WNT5A: variants seen among roughly 807,000 people sequenced by gnomAD.
WNT5A encodes the protein Wnt family member 5A, also known as protein Wnt-5a.
In WNT5A, 9 loss-of-function variants were observed where a neutral mutation model predicts 42.1. That is an observed-to-expected ratio of 0.21 (90% CI 0.13 to 0.37). WNT5A has a LOEUF of 0.37. Ranked by LOEUF, WNT5A falls within the 10% of genes least tolerant of loss-of-function variation. WNT5A has a pLI of 1.00. For missense variants in WNT5A, 426 were observed against 534.0 expected (o/e 0.80, Z 1.99); for synonymous variants, 210 against 210.0 (o/e 1.00, Z 0.00).
intron 1 of WNT5A, among the ~76,000 whole-genome samples, chr3:55,484,832 A>C (rs1016443348): frequency 6.6e-6 from 1 of 152,160 alleles, no homozygotes; most frequent in Non-Finnish European, 1.5e-5. Context: ...AGAAAATGAA[A>C]TGATAGTCCA....
At chr3:55,478,986 G>T (rs2051406062) in intron 3 of WNT5A, 1 of 179,104 alleles carries the variant, frequency 5.6e-6, no homozygotes, top group Non-Finnish European at 1.2e-5. Context: ...GCATATACAT[G>T]ACTTGCTTCC....
chr3:55,475,999 A>G (rs2051350728), intron 3 of WNT5A, among the ~76,000 whole-genome samples: 1 of 152,192 alleles, frequency 6.6e-6, no homozygotes, highest in African/African-American at 2.4e-5. Flanking sequence ...CATGCAAGGA[A>G]AGGGGCCTCT....
intron 1 of WNT5A, among the ~76,000 whole-genome samples, chr3:55,485,472 G>A (rs1366733946): frequency 1.3e-5 from 2 of 151,906 alleles, no homozygotes; most frequent in East Asian, 1.9e-4. Flanking sequence ...TCCTGGACCC[G>A]AGAACAACTC....
Position 55,478,115 on chromosome 3 carries a change from A to G in WNT5A, c.391+1199T>C, listed in dbSNP as rs980787935. ...CTTAGATTCAGATCCCAGTATATAC[A>G]TTAGCACATTTTAATCATTAACAGA... is the stretch of plus-strand genomic sequence containing the variant. On this transcript the variant is annotated intron_variant, in intron 3 of 4. Coordinates refer to ENST00000264634, the MANE Select transcript of WNT5A (RefSeq NM_003392.7). 2.6e-5 allele frequency among the ~76,000 whole-genome samples: 4 copies of G among 152,212 alleles called. No individual in the cohort carries two copies. The South Asian group carries it at 6.2e-4, about 24-fold the overall frequency.
the WNT5A span, among the ~76,000 whole-genome samples, chr3:55,496,695 T>C: frequency 1.3e-3 from 198 of 152,284 alleles, no homozygotes; most frequent in Non-Finnish European, 2.4e-3. Flanking sequence ...GCCTTCCCTC[T>C]CTTGTTCAGC....
At chr3:55,471,375 C>T (rs1352704321) in intron 4 of WNT5A, among the ~76,000 whole-genome samples, 1 of 152,204 alleles carries the variant, frequency 6.6e-6, no homozygotes, top group East Asian at 1.9e-4. Context: ...AGGCTAAGAG[C>T]ACCCACCCTG....
the WNT5A span, among the ~76,000 whole-genome samples, chr3:55,496,555 G>C: frequency 6.6e-6 from 1 of 152,152 alleles, no homozygotes; most frequent in Non-Finnish European, 1.5e-5. Context: ...ACAGGAACGC[G>C]ATGGCTCCAC....
upstream of WNT5A, among the ~76,000 whole-genome samples, chr3:55,492,432 G>C (rs1004884834): frequency 1.3e-5 from 2 of 152,266 alleles, no homozygotes; most frequent in Middle Eastern, 3.4e-3. Context: ...TCATAATTGA[G>C]ATAATGTACA....
chr3:55,466,604 A>G lies in WNT5A; in HGVS notation c.*3488T>C, dbSNP rs1050835021. 1 of 152,630 alleles carries G rather than the reference A, an allele frequency of 6.6e-6. No individual in the cohort carries two copies. 9.5% of individuals were successfully genotyped at this position (152,630 alleles called of 1,614,324 possible). On this transcript the variant is annotated 3_prime_UTR_variant, in exon 5 of 5. Transcript: ENST00000264634. ...AAAAGTCTTCTTTCTATTTGAGCCC[A>G]TAATGACTATTTTGAACATGGCTCT...
At chr3:55,472,862 CT>C (rs1238682398) in intron 4 of WNT5A, among the ~76,000 whole-genome samples, 1 of 152,136 alleles carries the variant, frequency 6.6e-6, no homozygotes, top group Non-Finnish European at 1.5e-5. Context: ...AAACTAAGAC[CT>C]TTAATTAAAC....
At chr3:55,499,201 A>T in the WNT5A span, among the ~76,000 whole-genome samples, 1 of 152,252 alleles carries the variant, frequency 6.6e-6, no homozygotes, top group Non-Finnish European at 1.5e-5. Context: ...CAGAGGTTAC[A>T]GGAGTTTTGA....
At position 55,487,027 on chromosome 3, in the gene WNT5A, C is replaced by A. The variant is rs756750566; in HGVS notation, c.-42G>T. ...CGCGGGGAGGAAGTCGCCACCCGAG[C>A]GAGCGCAGCCGAGGAATCCGAGCGG... On this transcript the variant is annotated 5_prime_UTR_variant, in exon 1 of 5. Coordinates refer to ENST00000264634, the MANE Select transcript of WNT5A (RefSeq NM_003392.7). 3.1e-5 allele frequency: 49 copies of A among 1,602,806 alleles called. No individual in the cohort carries two copies. Among genetic ancestry groups the A allele is most frequent in the Non-Finnish European group, 4.2e-5 (49 of 1,174,192 alleles).
chr3:55,471,485 T>C (rs777408174), intron 4 of WNT5A, among the ~76,000 whole-genome samples: 5 of 152,184 alleles, frequency 3.3e-5, no homozygotes, highest in Non-Finnish European at 7.4e-5. Context: ...AAGGCAGCAG[T>C]GGTGGCACCA....
At chr3:55,504,521 T>A in the WNT5A span, among the ~76,000 whole-genome samples, 1 of 151,272 alleles carries the variant, frequency 6.6e-6, no homozygotes, top group Non-Finnish European at 1.5e-5. Flanking sequence ...TGGAGCTCAA[T>A]GGCGCGATAT....
chr3:55,467,228 G>C lies in WNT5A; in HGVS notation c.*2864C>G, dbSNP rs1375528543. 1 of 152,452 alleles carries C rather than the reference G, an allele frequency of 6.6e-6. No homozygotes were observed. The highest frequency in any genetic ancestry group is 1.5e-5 in the Non-Finnish European group (1 of 67,990). 9.4% of individuals were successfully genotyped at this position (152,452 alleles called of 1,614,324 possible). ...TTTTTTGGACTAAAAATCTGGTCAC[G>C]GATAAAAGCATGTGCCTTTTCATTC... On this transcript the variant is annotated 3_prime_UTR_variant, in exon 5 of 5. Coordinates refer to ENST00000264634, the MANE Select transcript of WNT5A (RefSeq NM_003392.7).
intron 1 of WNT5A, chr3:55,481,440 G>T: frequency 1.0e-6 from 1 of 981,626 alleles, no homozygotes; most frequent in Non-Finnish European, 1.2e-6. Context: ...GGTGGCCAGC[G>T]CGGGGGGTGG....
rs1213420283 is a variant in WNT5A at position 55,480,844 on chromosome 3, T to C, written c.81A>G (p.Leu27=). ...AGSAMSSKFF[L]VALAIFFSFA... is the part of the protein sequence containing the mutation. Reference sequence around the variant, plus strand: ...AGGAGAAAAATATGGCCAAAGCCACTAGGAAGAACTTGGAAGACATTGCAC... The same window carrying C: ...AGGAGAAAAATATGGCCAAAGCCACCAGGAAGAACTTGGAAGACATTGCAC... The change falls in exon 2 of 5, where the codon CTA becomes CTG. Residue 27 remains leucine, a synonymous_variant. Coordinates refer to ENST00000264634, the MANE Select transcript of WNT5A (RefSeq NM_003392.7). 6.3e-6 allele frequency: 10 copies of C among 1,586,114 alleles called. No homozygotes were observed. The highest frequency in any genetic ancestry group is 8.6e-6 in the Non-Finnish European group (10 of 1,164,812).
upstream of WNT5A, among the ~76,000 whole-genome samples, chr3:55,490,822 G>A (rs140549031): frequency 6.6e-6 from 1 of 152,306 alleles, no homozygotes; most frequent in African/African-American, 2.4e-5. Flanking sequence ...TTTGGTTACT[G>A]GGTATTTCCC....
At chr3:55,476,550 A>G (rs187423768) in intron 3 of WNT5A, among the ~76,000 whole-genome samples, 1 of 152,346 alleles carries the variant, frequency 6.6e-6, no homozygotes, top group East Asian at 1.9e-4. Flanking sequence ...GATAGAGGAA[A>G]ATAAGACACT....
Sources: allele counts gnomAD v4.1 joint callset (sites outside exome capture counted in the v4.1 genomes callset), GRCh38; gene constraint gnomAD v4.1.1; transcripts MANE v1.5; gene names NCBI Gene and HGNC (gene_info 2026-07-23, HGNC 2026-07-21).